Variants in CARD9 observed in about 807,000 individuals in gnomAD.
CARD9 encodes the protein caspase recruitment domain-containing protein 9.
A neutral mutation model predicts 66.0 loss-of-function variants in CARD9; 53 were observed. The ratio of observed to expected loss-of-function variants is 0.80; its 90% confidence interval spans 0.64 to 1.01. The LOEUF (loss-of-function observed/expected upper bound fraction) is 1.01. CARD9 is among the 50% of genes least tolerant of loss of function. CARD9 has a pLI of 0.00. For synonymous variants in CARD9, 387 were observed against 313.8 expected (o/e 1.23, Z -2.47); for missense variants, 769 against 743.2 (o/e 1.03, Z -0.40).
intron 8 of CARD9, 22 bp downstream of exon 8, chr9:136,367,615 C>T (rs368479737): frequency 6.4e-7 from 1 of 1,556,968 alleles, no homozygotes; most frequent in East Asian, 2.3e-5. Flanking sequence ...GCTCCCCTCC[C>T]TGCCGCAGGC....
At chr9:136,365,513 G>C in intron 10 of CARD9, 1 of 528,050 alleles carries the variant, frequency 1.9e-6, no homozygotes. Flanking sequence ...CCCAGACCTC[G>C]GGGGAACTTA....
At chr9:136,370,110 C>T in intron 6 of CARD9, 184 bp downstream of exon 6, 1 of 1,413,700 alleles carries the variant, frequency 7.1e-7, no homozygotes, top group Non-Finnish European at 9.4e-7. Flanking sequence ...CAGAGGTTGG[C>T]CTTTGCCATG....
Position 136,369,770 on chromosome 9 carries a change from C to T in CARD9, c.1057G>A (p.Val353Ile). 6.2e-7 allele frequency: 1 copy of T among 1,608,038 alleles called. No individual in the cohort carries two copies. Residue 353 changes from valine (V) to isoleucine (I), a missense_variant, in exon 7 of 13, where the codon GTC becomes ATC. By Grantham distance (29) the Val-to-Ile change is conservative. Coordinates refer to ENST00000371732, the MANE Select transcript of CARD9 (RefSeq NM_052813.5). ...IEAILLQMEE[V>I]AIERDQAIAT... The stretch of plus-strand genomic sequence containing the variant: ...CCCACCTGGTCCCGCTCAATGGCGA[C>T]CTCCTCCATCTGCAGCAGGATGGCC...
At chr9:136,371,526 G>GGGGGGGGGC in intron 2 of CARD9, 65 bp from the exon 3 acceptor site, 2 of 516,026 alleles carry the variant, frequency 3.9e-6, no homozygotes, top group Non-Finnish European at 7.3e-6. Flanking sequence ...GGGTGGGTGG[G>GGGGGGGGGC]CCTGGGGGCA....
rs1374207151 is a variant in CARD9 at position 136,364,287 on chromosome 9, C to A, written c.*15G>T. On this transcript the variant is annotated 3_prime_UTR_variant, in exon 13 of 13. Transcript: ENST00000371732. ...GCCGGTGGGTGTGCCCTGGTCGGGG[C>A]CTGCGCTGCTGCGGCTAGGAGCCCT... 8 of 1,552,700 alleles carry A rather than the reference C, an allele frequency of 5.2e-6. No individual in the cohort carries two copies. In the East Asian group the frequency reaches 1.7e-4, roughly 33 times the overall value.
rs746470735 is a variant in CARD9, at chr9:136,366,802, TTGTC to T, written c.1351_1354del (p.Asp451LysfsTer31). 14 of 1,612,920 alleles carry T rather than the reference TTGTC, an allele frequency of 8.7e-6. No homozygotes were observed. The highest frequency in any genetic ancestry group is 1.3e-5 in the African/African-American group (1 of 74,890). Reference sequence around the variant, plus strand: ...GTGTACTGCTGTCCCCACCTCACCTTTGTCTGAGAGCTGGGTGTCCTCCAGGTCC... The same window carrying T: ...GTGTACTGCTGTCCCCACCTCACCTTTGAGAGCTGGGTGTCCTCCAGGTCC... On this transcript the variant is annotated frameshift_variant, in exon 10 of 13. Transcript: ENST00000371732. LOFTEE classifies it high-confidence loss of function.
chr9:136,372,103 T>C lies in CARD9; in HGVS notation c.-16-9A>G, dbSNP rs548160507. 6.2e-7 allele frequency: 1 copy of C among 1,611,424 alleles called. No individual in the cohort carries two copies. The highest frequency in any genetic ancestry group is 1.3e-5 in the African/African-American group (1 of 74,852). ...TGGCCTCAGCAGGCAGGCTGGGGAG[T>C]GTGGGGCAGTGCTGAGAGCGATGCC... On this transcript the variant is annotated splice_polypyrimidine_tract_variant and intron_variant, in intron 1 of 12. Coordinates refer to ENST00000371732, the MANE Select transcript of CARD9 (RefSeq NM_052813.5).
intron 6 of CARD9, 38 bp downstream of exon 6, chr9:136,370,256 G>C: frequency 6.3e-7 from 1 of 1,587,524 alleles, no homozygotes. Context: ...AGCCTGGCTT[G>C]GACCCCAGGG....
rs774391206 is a variant in CARD9, at chr9:136,366,816, G to C, written c.1341C>G (p.Thr447=). 1 of 1,613,080 alleles carries C rather than the reference G, an allele frequency of 6.2e-7. No individual in the cohort carries two copies. Among genetic ancestry groups the C allele is most frequent in the East Asian group, 2.2e-5 (1 of 44,876 alleles). ...ELSLPQDLED[T]QLSDKGCLAG... ...CCACCTCACCTTTGTCTGAGAGCTG[G>C]GTGTCCTCCAGGTCCTGGGGGAGTG... is the stretch of plus-strand genomic sequence containing the variant. The change falls in exon 10 of 13, where the codon ACC becomes ACG. Residue 447 remains threonine, a synonymous_variant. Coordinates refer to ENST00000371732, the MANE Select transcript of CARD9 (RefSeq NM_052813.5).
Position 136,370,504 on chromosome 9 carries a change from C to T in CARD9, c.807+18G>A. On this transcript the variant is annotated intron_variant, in intron 5 of 12. Transcript: ENST00000371732. ...CACTGCCCTGCCTGGGCTGCACCTG[C>T]CCTGCCTACGGCCCCACCTGGACGG... 1 of 1,601,366 alleles carries T rather than the reference C, an allele frequency of 6.2e-7. No homozygotes were observed.
At position 136,365,445 on chromosome 9, in the gene CARD9, C is replaced by T. The variant is rs539742460; in HGVS notation, c.1358-228G>A. The T allele has an allele frequency of 8.9e-4, 516 of 578,202 alleles. 5 individuals are homozygous for T. In the South Asian group the frequency reaches 9.9e-3, roughly 11 times the overall value. The allele number at this position is 578,202 out of a possible 1,614,324, so 35.8% of individuals were successfully genotyped here. ...CCGCCAGATGCCAGCCCAGGCCCAA[C>T]GCTCCCGCCAGTGACCATCCCTCCC... On this transcript the variant is annotated intron_variant, in intron 10 of 12. Transcript: ENST00000371732.
At chr9:136,369,955 C>T (rs1293820976) in intron 6 of CARD9, 80 bp from the exon 7 acceptor site, 3 of 1,593,122 alleles carry the variant, frequency 1.9e-6, no homozygotes, top group Non-Finnish European at 2.6e-6. Flanking sequence ...GGCAGGGGCT[C>T]AGAAGCATGT....
chr9:136,368,035 C>G, intron 7 of CARD9: 3 of 1,414,632 alleles, frequency 2.1e-6, no homozygotes, highest in Non-Finnish European at 1.8e-6. Flanking sequence ...CCCTGCTGCC[C>G]TTCTGTCTCC....
intron 1 of CARD9, among the ~76,000 whole-genome samples, chr9:136,372,777 C>T (rs1217711096): frequency 1.3e-5 from 2 of 152,246 alleles, no homozygotes; most frequent in Non-Finnish European, 2.9e-5. Context: ...GAGCTGCCCA[C>T]AGGAGCGTGT....
Position 136,364,652 on chromosome 9 carries a change from T to C in CARD9, c.1435-93A>G. On this transcript the variant is annotated intron_variant, in intron 11 of 12. Transcript: ENST00000371732. ...CCCACTGGCCCCTGTAACTGCAGACTGGTTGGGAGGCGAGGAGCCCAGACA... is the reference window on the plus strand; with the variant it reads ...CCCACTGGCCCCTGTAACTGCAGACCGGTTGGGAGGCGAGGAGCCCAGACA... 3 of 1,298,882 alleles carry C rather than the reference T, an allele frequency of 2.3e-6. No homozygotes were observed. In the South Asian group the frequency reaches 4.2e-5, roughly 18 times the overall value. The allele number at this position is 1,298,882 out of a possible 1,614,324, so 80.5% of individuals were successfully genotyped here.
intron 7 of CARD9, 150 bp from the exon 8 acceptor site, chr9:136,367,978 T>C: frequency 1.4e-6 from 2 of 1,429,784 alleles, no homozygotes; most frequent in Non-Finnish European, 1.8e-6. Context: ...TTGTGTGCTC[T>C]GCGGACACGA....
chr9:136,365,528 C>A, intron 10 of CARD9: 1 of 501,832 alleles, frequency 2.0e-6, no homozygotes, highest in South Asian at 2.2e-5. Context: ...AACTTAAACC[C>A]TGGGCCTGAG....
rs1239721232 is a variant in CARD9, at chr9:136,371,393, G to A, written c.253C>T (p.Leu85Phe). Residue 85 changes from leucine (L) to phenylalanine (F), a missense_variant, in exon 3 of 13, where the codon CTC becomes TTC. Leu to Phe is a conservative substitution (Grantham distance 22). Transcript: ENST00000371732. ...GYVAFLESLE[L>F]YYPQLYKKVT... ...TTCTTGTACAGCTGCGGGTAGTAGA[G>A]CTCCAGGCTCTCGAGGAAGGCCACG... 1.3e-5 allele frequency: 20 copies of A among 1,596,440 alleles called. No individual in the cohort carries two copies. Among genetic ancestry groups the A allele is most frequent in the Non-Finnish European group, 1.6e-5 (19 of 1,171,826 alleles).
Position 136,372,069 on chromosome 9 carries a change from A to C in CARD9, c.10T>G (p.Tyr4Asp), listed in dbSNP as rs775128842. Residue 4 changes from tyrosine (Y) to aspartate (D), a missense_variant, in exon 2 of 13, where the codon TAC (tyrosine) becomes GAC (aspartate). Coordinates refer to ENST00000371732, the MANE Select transcript of CARD9 (RefSeq NM_052813.5). ...CTCCAGCACTCGTCATCGTTCTCGT[A>C]GTCCGACATGGCCTCAGCAGGCAGG... MSD[Y>D]ENDDECWSVL... The C allele has an allele frequency of 6.2e-7, 1 of 1,612,596 alleles. No homozygotes were observed. Among genetic ancestry groups the C allele is most frequent in the Admixed American group, 1.7e-5 (1 of 60,018 alleles).
Sources: allele counts gnomAD v4.1 joint callset (sites outside exome capture counted in the v4.1 genomes callset), GRCh38; gene constraint gnomAD v4.1.1; transcripts MANE v1.5; gene names NCBI Gene and HGNC (gene_info 2026-07-23, HGNC 2026-07-21).